The following POM121 variants were observed in gnomAD, a reference collection of about 807,000 sequenced individuals.
The protein encoded by POM121 is POM121 transmembrane nucleoporin.
POM121 carries 32 observed loss-of-function variants against 81.3 expected under a neutral mutation model. That is an observed-to-expected ratio of 0.39 (90% CI 0.30 to 0.53). POM121 has a LOEUF of 0.53. Among genes scored for constraint, POM121 ranks in the 20% least tolerant of loss-of-function variants. The pLI, the probability that POM121 is intolerant of heterozygous loss-of-function variation, is 0.66. For missense variants in POM121, 1,138 were observed against 1,614.6 expected, an observed-to-expected ratio of 0.70 and a Z score of 5.06; for synonymous variants, 514 against 694.2, an observed-to-expected ratio of 0.74 and a Z score of 4.08.
chr7:72,943,776 G>A (rs1200241785), intron 11 of POM121, among the ~76,000 whole-genome samples: 3 of 152,104 alleles, frequency 2.0e-5, no homozygotes, highest in South Asian at 2.1e-4. Context: ...AGTGGCTCAC[G>A]CTTGTAATCC....
At chr7:72,884,994 T>C (rs1304671706) in intron 1 of POM121, among the ~76,000 whole-genome samples, 2 of 152,190 alleles carry the variant, frequency 1.3e-5, no homozygotes, top group Admixed American at 1.3e-4. Flanking sequence ...CAATTTTTAA[T>C]TTTTGGTAGA....
chr7:72,895,005 T>C (rs184433477), intron 3 of POM121, among the ~76,000 whole-genome samples: 1 of 152,110 alleles, frequency 6.6e-6, no homozygotes, highest in East Asian at 1.9e-4. Context: ...TTTAAAAATT[T>C]TCTATAGAAG....
In POM121 at chr7:72,939,361, A is replaced by C; in HGVS notation, c.1393A>C (p.Ser465Arg). 6.2e-7 allele frequency: 1 copy of C among 1,613,928 alleles called. No homozygotes were observed. Among genetic ancestry groups the C allele is most frequent in the Non-Finnish European group, 8.5e-7 (1 of 1,179,844 alleles). The change falls in exon 7 of 13, where the codon AGT becomes CGT. Residue 465 changes from serine (S) to arginine (R), a missense_variant. This residue lies in a region of POM121 where 646 missense variants were observed against 633.5 expected (regional missense o/e 1.02). Coordinates refer to ENST00000434423, the MANE Select transcript of POM121 (RefSeq NM_001387691.1). The stretch of plus-strand genomic sequence containing the variant: ...AGAAGAGGAGCTGTGTCATCATTCC[A>C]GTTCTTCAACTCCATTGGCAGCAGA... ...IREEELCHHS[S>R]SSTPLAADRE...
intron 6 of POM121, 57 bp from the exon 7 acceptor site, chr7:72,939,279 T>C: frequency 6.3e-7 from 1 of 1,593,508 alleles, no homozygotes; most frequent in Middle Eastern, 1.7e-4. Flanking sequence ...TGAGAAATTA[T>C]TTAATACTTC....
At chr7:72,927,568 G>T (rs1795586067) in intron 3 of POM121, among the ~76,000 whole-genome samples, 1 of 152,026 alleles carries the variant, frequency 6.6e-6, no homozygotes, top group South Asian at 2.1e-4. Context: ...AAATTAGCTG[G>T]ATGTGGTGGT....
intron 1 of POM121, among the ~76,000 whole-genome samples, chr7:72,883,206 A>T (rs550042198): frequency 6.6e-6 from 1 of 151,968 alleles, no homozygotes; most frequent in Non-Finnish European, 1.5e-5. Context: ...CACCTCGCTA[A>T]TTTTTTTTGT....
intron 3 of POM121, among the ~76,000 whole-genome samples, chr7:72,907,910 T>C (rs1554493689): frequency 6.6e-6 from 1 of 152,208 alleles, no homozygotes; most frequent in African/African-American, 2.4e-5. Flanking sequence ...GTTCTTTTTT[T>C]GTGTGTGTGT....
chr7:72,943,312 G>A lies in POM121; in HGVS notation c.3319G>A (p.Gly1107Ser). The A allele has an allele frequency of 1.2e-6, 2 of 1,607,914 alleles. No individual in the cohort carries two copies. The highest frequency in any genetic ancestry group is 1.7e-6 in the Non-Finnish European group (2 of 1,177,564). The stretch of plus-strand genomic sequence containing the variant: ...GTTTGGGGGTTCGGCAGCCCCCGCT[G>A]GCAGTGGGAGCTTTGGGATCAATGT... ...FTFGGSAAPAGSGSFGINVAT... is the reference protein window; with the variant it reads ...FTFGGSAAPASSGSFGINVAT... The change falls in exon 11 of 13, where the codon GGC becomes AGC. Residue 1107 changes from glycine to serine, a missense_variant. Physicochemically the swap from Gly to Ser is moderately conservative, Grantham distance 56. Coordinates refer to ENST00000434423, the MANE Select transcript of POM121 (RefSeq NM_001387691.1).
At position 72,928,223 on chromosome 7, in the gene POM121, T is replaced by C. The variant is rs184719312; in HGVS notation, c.1023-162T>C. On this transcript the variant is annotated intron_variant, in intron 3 of 12. Transcript: ENST00000434423. ...GAAACTCTGTCTGAAAAAAAAAAAA[T>C]TTACCTTTCAGAAGCTTAGGGATTT... 6.8e-4 allele frequency among the ~76,000 whole-genome samples: 103 copies of C among 151,972 alleles called. 1 individual carries two copies. Among genetic ancestry groups the C allele is most frequent in the African/African-American group, 2.3e-3 (96 of 41,450 alleles).
At chr7:72,881,714 T>C (rs1432238957) in intron 1 of POM121, among the ~76,000 whole-genome samples, 2 of 152,140 alleles carry the variant, frequency 1.3e-5, no homozygotes, top group Non-Finnish European at 2.9e-5. Context: ...ACTGCAGCCT[T>C]CACCTCCTGG....
chr7:72,943,229 C>T lies in POM121; in HGVS notation c.3236C>T (p.Thr1079Ile). The T allele has an allele frequency of 6.2e-7, 1 of 1,612,740 alleles. No individual in the cohort carries two copies. The highest frequency in any genetic ancestry group is 2.2e-5 in the East Asian group (1 of 44,838). Residue 1079 changes from threonine (T) to isoleucine (I), a missense_variant, in exon 11 of 13, where the codon ACC (threonine) becomes ATC (isoleucine). By Grantham distance (89) the Thr-to-Ile change is moderately conservative. Coordinates refer to ENST00000434423, the MANE Select transcript of POM121 (RefSeq NM_001387691.1). ...TSSGFGATTQ[T>I]ASSGSSSSVF... ...TCCGGCTTTGGAGCCACCACCCAGA[C>T]CGCCAGCAGCGGGAGCAGCAGCTCG...
At chr7:72,941,136 C>T (rs1554500896) in intron 10 of POM121, 143 bp downstream of exon 10, 7 of 599,964 alleles carry the variant, frequency 1.2e-5, no homozygotes, top group East Asian at 5.6e-5. Flanking sequence ...AGCGGGCCCA[C>T]GTTTAACAGC....
chr7:72,881,258 G>A (rs1482663733), intron 1 of POM121, among the ~76,000 whole-genome samples: 2 of 151,300 alleles, frequency 1.3e-5, no homozygotes, highest in Admixed American at 1.3e-4. Context: ...AAGTAGAGAC[G>A]GGGTTTTGCC....
chr7:72,937,699 A>C (rs1796647606), intron 5 of POM121, among the ~76,000 whole-genome samples: 1 of 152,162 alleles, frequency 6.6e-6, no homozygotes, highest in Non-Finnish European at 1.5e-5. Flanking sequence ...GTGACAGTTT[A>C]GTGGCTTTGT....
At chr7:72,912,942 C>T (rs1793950258) in intron 3 of POM121, among the ~76,000 whole-genome samples, 1 of 152,176 alleles carries the variant, frequency 6.6e-6, no homozygotes, top group Non-Finnish European at 1.5e-5. Context: ...TGGAGAAGCA[C>T]ATGACGCAGA....
intron 2 of POM121, 86 bp from the exon 3 acceptor site, chr7:72,926,716 G>C (rs2129577901): frequency 6.5e-7 from 1 of 1,543,956 alleles, no homozygotes. Context: ...CTGTTGGTTA[G>C]CTTCTGATTT....
chr7:72,898,809 A>AG (rs1184812569), intron 3 of POM121, among the ~76,000 whole-genome samples: 1 of 150,922 alleles, frequency 6.6e-6, no homozygotes, highest in Non-Finnish European at 1.5e-5. Flanking sequence ...AAAAAAAAAA[A>AG]AAAAAAAATG....
downstream of POM121, chr7:72,949,737 T>C: frequency 1.3e-6 from 1 of 784,582 alleles, no homozygotes; most frequent in Non-Finnish European, 2.3e-6. Context: ...GTGAACTACT[T>C]TGGTGCAGCA....
At chr7:72,892,507 G>A (rs184366425) in intron 3 of POM121, among the ~76,000 whole-genome samples, 3 of 152,290 alleles carry the variant, frequency 2.0e-5, no homozygotes, top group Non-Finnish European at 4.4e-5. Flanking sequence ...TGACATTAGT[G>A]TTCAGTATTC....
Sources: allele counts gnomAD v4.1 joint callset (sites outside exome capture counted in the v4.1 genomes callset), GRCh38; gene constraint gnomAD v4.1.1; regional missense constraint gnomAD v4.1.1; transcripts MANE v1.5; gene names NCBI Gene and HGNC (gene_info 2026-07-23, HGNC 2026-07-21).